SYNE1: variants seen among roughly 807,000 people sequenced by gnomAD.
SYNE1 encodes the protein nesprin-1.
Under a neutral mutation model 1,111.0 loss-of-function variants are expected in SYNE1, and 616 were observed. That is an observed-to-expected ratio of 0.55 (90% CI 0.52 to 0.59). SYNE1 has a LOEUF of 0.59. Among genes scored for constraint, SYNE1 ranks in the 20% least tolerant of loss-of-function variants. SYNE1 has a pLI of 0.00. For synonymous variants in SYNE1, 3,855 were observed against 3,825.8 expected (o/e 1.01, Z -0.28); for missense variants, 10,006 against 10,417.0 (o/e 0.96, Z 1.72).
rs1323148459 is a variant in SYNE1 at position 152,373,030 on chromosome 6, TA to T, written c.9507+6del. ...CAGAATGCTTCCATGTGGTTGGCTA[TA>T]TATACCTCTAGAGCAGATTCTTTTT... On this transcript the variant is annotated splice_donor_region_variant and intron_variant, in intron 59 of 145. Transcript: ENST00000367255. The T allele has an allele frequency of 4.3e-6, 7 of 1,613,862 alleles. No individual in the cohort carries two copies. The highest frequency in any genetic ancestry group is 5.9e-6 in the Non-Finnish European group (7 of 1,179,758).
chr6:152,413,436 T>C lies in SYNE1; in HGVS notation c.6146A>G (p.Asp2049Gly). 6.2e-7 allele frequency: 1 copy of C among 1,614,160 alleles called. No individual in the cohort carries two copies. Among genetic ancestry groups the C allele is most frequent in the Non-Finnish European group, 8.5e-7 (1 of 1,180,018 alleles). The change falls in exon 42 of 146, where the codon GAT (aspartate) becomes GGT (glycine). Residue 2049 changes from aspartate (D) to glycine (G), a missense_variant. Asp to Gly is a moderately conservative substitution (Grantham distance 94). Transcript: ENST00000367255. ...GTCAACTTCAGGTGCAAAAGCTACA[T>C]CTTTCTGGGCAATTTGCTTGGCTTT... ...KDKAKQIAQK[D>G]VAFAPEVDRE...
intron 100 of SYNE1, among the ~76,000 whole-genome samples, chr6:152,262,544 T>C (rs1397692855): frequency 2.0e-5 from 3 of 152,162 alleles, no homozygotes; most frequent in Non-Finnish European, 4.4e-5. Flanking sequence ...GTTACGATTA[T>C]GAGTCCAGAG....
chr6:152,496,868 T>C (rs2099002300), intron 11 of SYNE1, among the ~76,000 whole-genome samples: 1 of 152,330 alleles, frequency 6.6e-6, no homozygotes, highest in South Asian at 2.1e-4. Context: ...ATTCCACCAT[T>C]GTGGTTTGTT....
At chr6:152,213,828 C>G in intron 122 of SYNE1, 69 bp from the exon 123 acceptor site, 1 of 1,595,502 alleles carries the variant, frequency 6.3e-7, no homozygotes, top group Admixed American at 1.7e-5. Context: ...GCATATAAAA[C>G]TAGATTAAAT....
chr6:152,472,420 T>A lies in SYNE1; in HGVS notation c.1351-7A>T. 6.2e-7 allele frequency: 1 copy of A among 1,609,940 alleles called. No homozygotes were observed. The highest frequency in any genetic ancestry group is 8.5e-7 in the Non-Finnish European group (1 of 1,177,028). On this transcript the variant is annotated splice_polypyrimidine_tract_variant and splice_region_variant and intron_variant, in intron 14 of 145. Transcript: ENST00000367255. ...CCGTGTTTTGAAGCAGATCCTAAGATACAGTTTAAAAAAAAATAAAAAATG... is the reference window on the plus strand; with the variant it reads ...CCGTGTTTTGAAGCAGATCCTAAGAAACAGTTTAAAAAAAAATAAAAAATG...
At chr6:152,197,263 G>C (rs9479260) in intron 127 of SYNE1, among the ~76,000 whole-genome samples, 3,145 of 152,242 alleles carry the variant, frequency 0.021, 52 homozygotes, top group African/African-American at 0.034. Context: ...TCTTATGAAG[G>C]CGCTTTCTTA....
Position 152,200,711 on chromosome 6 carries a change from A to T in SYNE1, c.23145+1113T>A, listed in dbSNP as rs540167114. On this transcript the variant is annotated intron_variant, in intron 127 of 145. Transcript: ENST00000367255. ...CACCCGGCTTCTTTATTTTTAATAA[A>T]TTTATCATCACAGGTTCAAAATGCG... Among the ~76,000 whole-genome samples, 40 of 152,302 alleles carry T rather than the reference A, an allele frequency of 2.6e-4. No individual in the cohort carries two copies. The South Asian group carries it at 7.7e-3, about 29-fold the overall frequency.
chr6:152,425,937 T>C (rs572662648), intron 38 of SYNE1, among the ~76,000 whole-genome samples: 1 of 152,314 alleles, frequency 6.6e-6, no homozygotes, highest in African/African-American at 2.4e-5. Context: ...GAAAAACTAT[T>C]GCCGGAGAGA....
intron 39 of SYNE1, among the ~76,000 whole-genome samples, chr6:152,425,154 T>C (rs577662486): frequency 6.6e-6 from 1 of 152,342 alleles, no homozygotes; most frequent in South Asian, 2.1e-4. Context: ...TTTCAACTGG[T>C]TTAATAACTT....
chr6:152,411,493 G>A (rs1479000503), intron 42 of SYNE1, among the ~76,000 whole-genome samples: 2 of 151,986 alleles, frequency 1.3e-5, no homozygotes, highest in African/African-American at 4.8e-5. Flanking sequence ...GTCTGTGGGC[G>A]TTTTGATTGG....
At chr6:152,554,049 A>G (rs1185572518) in intron 3 of SYNE1, among the ~76,000 whole-genome samples, 1 of 151,856 alleles carries the variant, frequency 6.6e-6, no homozygotes, top group Non-Finnish European at 1.5e-5. Flanking sequence ...GGGGCTGAGG[A>G]CCAGTCCTGG....
At chr6:152,204,347 C>T (rs1296282800) in intron 126 of SYNE1, among the ~76,000 whole-genome samples, 1 of 141,732 alleles carries the variant, frequency 7.1e-6, no homozygotes, top group Non-Finnish European at 1.5e-5. Context: ...GCCTGGGTGA[C>T]ACAGGGAGAC....
At chr6:152,244,928 T>C (rs187349810) in intron 105 of SYNE1, among the ~76,000 whole-genome samples, 2 of 152,030 alleles carry the variant, frequency 1.3e-5, no homozygotes, top group Non-Finnish European at 2.9e-5. Flanking sequence ...GATGTCTTGC[T>C]TAAACAAAAA....
intron 95 of SYNE1, among the ~76,000 whole-genome samples, chr6:152,288,988 T>C (rs1216893877): frequency 1.3e-5 from 2 of 152,172 alleles, no homozygotes; most frequent in East Asian, 1.9e-4. Flanking sequence ...AGATTTTCTT[T>C]TGGGGTCATA....
At chr6:152,225,907 T>A in intron 115 of SYNE1, 31 bp from the exon 116 acceptor site, 1 of 1,605,802 alleles carries the variant, frequency 6.2e-7, no homozygotes, top group East Asian at 2.2e-5. Flanking sequence ...TCACTTTAAA[T>A]TGTTCTATTA....
At position 152,151,598 on chromosome 6, in the gene SYNE1, T is replaced by C. The variant is rs2152915378; in HGVS notation, c.24405A>G (p.Glu8135=). 6.2e-7 allele frequency: 1 copy of C among 1,614,144 alleles called. No individual in the cohort carries two copies. The highest frequency in any genetic ancestry group is 8.5e-7 in the Non-Finnish European group (1 of 1,180,026). The part of the protein sequence containing the change: ...TEMDLQLTNI[E]HFSECDVQAK... Reference sequence around the variant, plus strand: ...CTTGAACATCACACTCAGAAAAATGTTCAATATTAGTGAGCTGCAGATCCA... The same window carrying C: ...CTTGAACATCACACTCAGAAAAATGCTCAATATTAGTGAGCTGCAGATCCA... Residue 8135 remains glutamate, a synonymous_variant, in exon 135 of 146, where the codon GAA becomes GAG. Coordinates refer to ENST00000367255, the MANE Select transcript of SYNE1 (RefSeq NM_182961.4).
At chr6:152,431,102 A>T (rs1380512963) in intron 34 of SYNE1, among the ~76,000 whole-genome samples, 3 of 152,204 alleles carry the variant, frequency 2.0e-5, no homozygotes, top group Non-Finnish European at 4.4e-5. Context: ...AGAATGCTAA[A>T]TACTGACATT....
intron 12 of SYNE1, among the ~76,000 whole-genome samples, chr6:152,486,508 A>G (rs1407201603): frequency 6.6e-6 from 1 of 152,232 alleles, no homozygotes; most frequent in African/African-American, 2.4e-5. Context: ...TAGCATCTGT[A>G]TAACAGATAG....
chr6:152,331,012 T>C lies in SYNE1; in HGVS notation c.13673A>G (p.Glu4558Gly). Residue 4558 changes from glutamate to glycine, a missense_variant, in exon 78 of 146, where the codon GAG (glutamate) becomes GGG (glycine). Glu to Gly is a moderately conservative substitution (Grantham distance 98). Coordinates refer to ENST00000367255, the MANE Select transcript of SYNE1 (RefSeq NM_182961.4). Reference protein sequence around the residue: ...QKCSHRLQELEKNLVSRKHFK... With the variant: ...QKCSHRLQELGKNLVSRKHFK... ...ATGCTTCCTAGAAACCAAATTCTTC[T>C]CTAGTTCTTGTAACCGGTGACTGCA... is the stretch of plus-strand genomic sequence containing the variant. 6.2e-7 allele frequency: 1 copy of C among 1,614,180 alleles called. No individual in the cohort carries two copies. Among genetic ancestry groups the C allele is most frequent in the East Asian group, 2.2e-5 (1 of 44,872 alleles).
Sources: allele counts gnomAD v4.1 joint callset (sites outside exome capture counted in the v4.1 genomes callset), GRCh38; gene constraint gnomAD v4.1.1; transcripts MANE v1.5; gene names NCBI Gene and HGNC (gene_info 2026-07-23, HGNC 2026-07-21).